CACNA2D3: variants seen among roughly 807,000 people sequenced by gnomAD.
CACNA2D3 encodes the protein voltage-dependent calcium channel subunit alpha-2/delta-3.
Under a neutral mutation model 160.6 loss-of-function variants are expected in CACNA2D3, and 60 were observed. That is an observed-to-expected ratio of 0.37 (90% confidence interval 0.30 to 0.46). CACNA2D3 has a LOEUF of 0.46. CACNA2D3 is among the 20% of genes least tolerant of loss of function. CACNA2D3 has a pLI of 1.00. For synonymous variants in CACNA2D3, 558 were observed against 492.9 expected (o/e 1.13, Z -1.75); for missense variants, 1,205 against 1,365.0 (o/e 0.88, Z 1.85).
chr3:54,977,480 A>C (rs1702415640), intron 29 of CACNA2D3, among the ~76,000 whole-genome samples: 1 of 152,222 alleles, frequency 6.6e-6, no homozygotes, highest in Non-Finnish European at 1.5e-5. Flanking sequence ...AGTATTAGGC[A>C]AACAGAAAGA....
intron 2 of CACNA2D3, among the ~76,000 whole-genome samples, chr3:54,245,687 T>C (rs897902350): frequency 1.3e-5 from 2 of 152,202 alleles, no homozygotes; most frequent in African/African-American, 4.8e-5. Context: ...AAGGCCTGCC[T>C]TTGGGAAGGT....
chr3:54,511,402 G>A (rs1162098041), intron 5 of CACNA2D3, among the ~76,000 whole-genome samples: 4 of 151,986 alleles, frequency 2.6e-5, no homozygotes, highest in Non-Finnish European at 5.9e-5. Context: ...ATAGAAATGC[G>A]CTTCTAAGGA....
At chr3:54,733,530 T>G (rs1179901724) in intron 11 of CACNA2D3, among the ~76,000 whole-genome samples, 1 of 152,220 alleles carries the variant, frequency 6.6e-6, no homozygotes, top group Admixed American at 6.5e-5. Context: ...AATTAGAGCC[T>G]GTAATTTCTC....
intron 5 of CACNA2D3, among the ~76,000 whole-genome samples, chr3:54,551,763 G>A (rs1702162163): frequency 6.6e-6 from 1 of 152,216 alleles, no homozygotes; most frequent in East Asian, 1.9e-4. Flanking sequence ...AAGAGCTGCT[G>A]TGACAGTTTT....
chr3:54,570,193 C>A, intron 8 of CACNA2D3, 89 bp downstream of exon 8: 2 of 1,326,210 alleles, frequency 1.5e-6, no homozygotes, highest in Non-Finnish European at 1.1e-6. Context: ...CTGTTAGATC[C>A]AGAGCATCTA....
intron 9 of CACNA2D3, among the ~76,000 whole-genome samples, chr3:54,598,173 C>A (rs764334533): frequency 6.7e-6 from 1 of 150,344 alleles, no homozygotes; most frequent in Non-Finnish European, 1.5e-5. Flanking sequence ...CCGGGCATGG[C>A]GATGTGTGTC....
At chr3:54,446,391 G>T (rs1371048827) in intron 4 of CACNA2D3, among the ~76,000 whole-genome samples, 1 of 152,170 alleles carries the variant, frequency 6.6e-6, no homozygotes, top group Non-Finnish European at 1.5e-5. Context: ...GATTTGCTTA[G>T]ATAAGGACCC....
intron 2 of CACNA2D3, among the ~76,000 whole-genome samples, chr3:54,264,058 T>C (rs959536719): frequency 3.9e-5 from 6 of 152,218 alleles, no homozygotes; most frequent in Admixed American, 3.9e-4. Context: ...GCAGCATGTC[T>C]TGAATGCCAG....
chr3:54,424,630 TG>T (rs71993025), intron 4 of CACNA2D3, among the ~76,000 whole-genome samples: 5,156 of 152,220 alleles, frequency 0.034, 263 homozygotes, highest in African/African-American at 0.11. Flanking sequence ...AGCCAGGACC[TG>T]GGGGTGGGCT....
chr3:54,201,017 A>G (rs1348925338), intron 2 of CACNA2D3, among the ~76,000 whole-genome samples: 1 of 152,252 alleles, frequency 6.6e-6, no homozygotes, highest in South Asian at 2.1e-4. Flanking sequence ...TGAGCCACAC[A>G]TAATGCTACT....
intron 4 of CACNA2D3, among the ~76,000 whole-genome samples, chr3:54,436,865 C>T (rs1400892024): frequency 6.6e-6 from 1 of 152,062 alleles, no homozygotes; most frequent in South Asian, 2.1e-4. Flanking sequence ...TTGATACATG[C>T]AGCAAACCAC....
chr3:54,380,790 T>C (rs563558349), intron 3 of CACNA2D3, among the ~76,000 whole-genome samples: 1 of 152,200 alleles, frequency 6.6e-6, no homozygotes, highest in South Asian at 2.1e-4. Flanking sequence ...ACCATGCCGC[T>C]CTGGGTATGG....
intron 2 of CACNA2D3, among the ~76,000 whole-genome samples, chr3:54,152,765 T>A (rs1700175359): frequency 6.6e-6 from 1 of 152,224 alleles, no homozygotes; most frequent in African/African-American, 2.4e-5. Context: ...TTATGATTGA[T>A]CTTTTTAATA....
intron 5 of CACNA2D3, among the ~76,000 whole-genome samples, chr3:54,554,409 G>A (rs1702207256): frequency 1.3e-5 from 2 of 152,214 alleles, no homozygotes; most frequent in Non-Finnish European, 1.5e-5. Context: ...ATGAATGAAA[G>A]CGTCATCACA....
intron 11 of CACNA2D3, among the ~76,000 whole-genome samples, chr3:54,717,798 G>C (rs1701088246): frequency 1.1e-5 from 1 of 89,096 alleles, no homozygotes; most frequent in African/African-American, 3.7e-5. Context: ...TGTGTGGTGT[G>C]CGTGTGTGCG....
At chr3:54,716,822 C>T (rs1159269079) in intron 11 of CACNA2D3, among the ~76,000 whole-genome samples, 1 of 151,926 alleles carries the variant, frequency 6.6e-6, no homozygotes, top group East Asian at 1.9e-4. Flanking sequence ...TTGCCTTTCA[C>T]ATAGCATAAT....
At chr3:54,308,207 C>T (rs1703652932) in intron 2 of CACNA2D3, among the ~76,000 whole-genome samples, 1 of 152,134 alleles carries the variant, frequency 6.6e-6, no homozygotes, top group Non-Finnish European at 1.5e-5. Flanking sequence ...GGCTGTGCTG[C>T]CTGTGTTCAA....
intron 17 of CACNA2D3, among the ~76,000 whole-genome samples, chr3:54,852,929 A>C (rs1699090282): frequency 6.6e-6 from 1 of 152,196 alleles, no homozygotes; most frequent in African/African-American, 2.4e-5. Flanking sequence ...GTATAATTCC[A>C]AAGAATTTAG....
intron 25 of CACNA2D3, 29 bp downstream of exon 25, chr3:54,891,479 C>G: frequency 6.7e-7 from 1 of 1,486,626 alleles, no homozygotes; most frequent in Non-Finnish European, 9.4e-7. Context: ...CTACAGGGGC[C>G]CAGGGAGCTT....
Sources: gnomAD v4.1 joint callset for allele counts (sites outside exome capture counted in the v4.1 genomes callset) on GRCh38, gnomAD v4.1.1 for gene constraint, MANE v1.5 for transcripts, NCBI Gene and HGNC (gene_info 2026-07-23, HGNC 2026-07-21) for gene names.